The following MED13L variants were observed in gnomAD, a reference collection of about 807,000 sequenced individuals.
The protein encoded by MED13L is mediator complex subunit 13L, also known as mediator of RNA polymerase II transcription subunit 13-like.
Under a neutral mutation model 220.9 loss-of-function variants are expected in MED13L, and 7 were observed. The observed-to-expected ratio is 0.03, with a 90% CI of 0.02 to 0.06. The LOEUF (loss-of-function observed/expected upper bound fraction) is 0.06, where lower values mean the gene tolerates loss of function less well. Among genes scored for constraint, MED13L ranks in the 10% least tolerant of loss-of-function variants. The probability of loss-of-function intolerance (pLI) is 1.00; values close to 1 mark genes in which losing one functional copy is unlikely to be tolerated. For missense variants in MED13L, 1,965 were observed against 2,760.5 expected (o/e 0.71, Z 6.46); for synonymous variants, 1,011 against 1,015.2 (o/e 1.00, Z 0.08).
rs1873175799 is a variant in MED13L, at chr12:116,102,703, C to CCTTTTTTT, written c.396-5952_396-5951insAAAAAAAG. Among the ~76,000 whole-genome samples the CCTTTTTTT allele has an allele frequency of 9.5e-5, 6 of 63,216 alleles. 1 individual carries two copies. The highest frequency in any genetic ancestry group is 3.2e-4 in the African/African-American group (6 of 18,700). The allele number at this position is 63,216 out of a possible 152,430, so 41.5% of individuals were successfully genotyped here. On this transcript the variant is annotated intron_variant, in intron 3 of 30. Transcript: ENST00000281928. ...ATCCCTATATTTTCTTTTTCTTTTT[C>CCTTTTTTT]TTTTTTCTTTTTTTTTTTTTTTTTT... is the stretch of plus-strand genomic sequence containing the variant.
intron 3 of MED13L, among the ~76,000 whole-genome samples, chr12:116,102,840 G>C (rs1873209136): frequency 6.8e-6 from 1 of 146,474 alleles, no homozygotes; most frequent in Non-Finnish European, 1.5e-5. Context: ...TCCTGCCTCA[G>C]CCTCCTGAGT....
chr12:116,055,979 C>T (rs890137091), intron 4 of MED13L, among the ~76,000 whole-genome samples: 1 of 151,774 alleles, frequency 6.6e-6, no homozygotes, highest in Non-Finnish European at 1.5e-5. Context: ...ATTCACTAAA[C>T]ATCCAGGATG....
intron 11 of MED13L, 144 bp downstream of exon 11, chr12:116,007,267 A>G (rs762019951): frequency 2.6e-6 from 2 of 771,600 alleles, no homozygotes; most frequent in Non-Finnish European, 4.5e-6. Context: ...GTTCAATACA[A>G]TAGTACCAAG....
chr12:115,966,815 C>T (rs764662300), intron 28 of MED13L, among the ~76,000 whole-genome samples: 10 of 152,170 alleles, frequency 6.6e-5, no homozygotes, highest in Admixed American at 2.0e-4. Flanking sequence ...ATTCTTTTAG[C>T]TAGCTTCATC....
At position 116,277,179 on chromosome 12, in the gene MED13L, C is replaced by T; in HGVS notation, c.-48G>A. The T allele has an allele frequency of 7.1e-7, 1 of 1,409,690 alleles. No homozygotes were observed. The highest frequency in any genetic ancestry group is 9.4e-7 in the Non-Finnish European group (1 of 1,059,254). 87.3% of individuals were successfully genotyped at this position (1,409,690 alleles called of 1,614,324 possible). A position where few individuals can be genotyped will look rare whatever the true frequency, so the allele number is the denominator to read the frequency against. ...CAGAGCGGGGCATGTCGGAGCGAGG[C>T]GTCCGAGGCGAGGCCGGGCCGGGCG... On this transcript the variant is annotated 5_prime_UTR_variant, in exon 1 of 31. Transcript: ENST00000281928.
chr12:116,099,173 T>C (rs1034360987), intron 3 of MED13L, among the ~76,000 whole-genome samples: 4 of 152,204 alleles, frequency 2.6e-5, no homozygotes, highest in African/African-American at 9.6e-5. Flanking sequence ...ACAGCAGAGC[T>C]GCACACAAGC....
rs145484216 is a variant in MED13L at position 116,003,117 on chromosome 12, T to C, written c.2470-15A>G. On this transcript the variant is annotated splice_polypyrimidine_tract_variant and intron_variant, in intron 13 of 30. Coordinates refer to ENST00000281928, the MANE Select transcript of MED13L (RefSeq NM_015335.5). ...GGTGATACAGCCTAAGAACAGACGG[T>C]GTTATTAAAACAGAGTGACGTGTAT... 2.5e-4 allele frequency: 395 copies of C among 1,608,816 alleles called. 3 individuals carry two copies. The East Asian group carries it at 8.7e-3, about 35-fold the overall frequency.
chr12:115,979,691 T>G (rs570585941), intron 23 of MED13L, among the ~76,000 whole-genome samples: 2 of 152,204 alleles, frequency 1.3e-5, no homozygotes, highest in African/African-American at 4.8e-5. Context: ...AAAATAGCAA[T>G]TGGTGTTTTA....
intron 4 of MED13L, among the ~76,000 whole-genome samples, chr12:116,067,469 A>G (rs925231525): frequency 7.2e-5 from 11 of 152,222 alleles, no homozygotes; most frequent in African/African-American, 2.7e-4. Context: ...AGAATATAGG[A>G]TGAAATAAAT....
At chr12:116,253,744 GTTTT>G (rs1278727900) in intron 1 of MED13L, among the ~76,000 whole-genome samples, 12 of 108,686 alleles carry the variant, frequency 1.1e-4, no homozygotes, top group Non-Finnish European at 1.7e-4. Flanking sequence ...CACCTTCACG[GTTTT>G]TTTTGTTTTT....
At chr12:116,024,757 C>T (rs1166902721) in intron 4 of MED13L, among the ~76,000 whole-genome samples, 1 of 75,680 alleles carries the variant, frequency 1.3e-5, no homozygotes, top group African/African-American at 5.5e-5. Flanking sequence ...TAGTTTCATG[C>T]TTTTTTTTGG....
chr12:116,160,757 A>T (rs28397771), intron 2 of MED13L, among the ~76,000 whole-genome samples: 46 of 140,322 alleles, frequency 3.3e-4, no homozygotes, highest in African/African-American at 5.5e-4. Context: ...TTTATTTTTT[A>T]TTTTTTTTTT....
At chr12:116,170,060 C>T (rs766070529) in intron 2 of MED13L, among the ~76,000 whole-genome samples, 197 of 152,250 alleles carry the variant, frequency 1.3e-3, no homozygotes, top group Admixed American at 2.6e-3. Flanking sequence ...CTTCTATATT[C>T]TGTCACATTA....
chr12:115,982,906 A>G (rs886067744), intron 21 of MED13L, among the ~76,000 whole-genome samples: 18 of 152,352 alleles, frequency 1.2e-4, no homozygotes, highest in Middle Eastern at 3.4e-3. Context: ...TAAGTTTAAT[A>G]ATAAAGTTTA....
Position 115,991,246 on chromosome 12 carries a change from A to C in MED13L, c.3708T>G (p.Pro1236=), listed in dbSNP as rs1376626076. ...AGTCCAGGAAATTCAGTGAAGCAAAAGGTTGTGTGTGTTGATTCTGGAGGA... is the reference window on the plus strand; with the variant it reads ...AGTCCAGGAAATTCAGTGAAGCAAACGGTTGTGTGTGTTGATTCTGGAGGA... ...LLLLQNQHTQ[P]FASLNFLDYI... Residue 1236 remains proline (P), a synonymous_variant, in exon 17 of 31, where the codon CCT becomes CCG. Transcript: ENST00000281928. The surrounding 1 kb of genome is among the most constrained non-coding windows in gnomAD (Gnocchi z 7.7). 6.2e-7 allele frequency: 1 copy of C among 1,614,190 alleles called. No individual in the cohort carries two copies. Among genetic ancestry groups the C allele is most frequent in the East Asian group, 2.2e-5 (1 of 44,886 alleles).
At chr12:115,986,604 T>TCA in intron 18 of MED13L, 115 bp from the exon 19 acceptor site, 2 of 948,950 alleles carry the variant, frequency 2.1e-6, no homozygotes, top group Non-Finnish European at 3.3e-6. Context: ...CACTCCATGT[T>TCA]CACAAGACAT....
chr12:116,130,061 C>T (rs1875938596), intron 2 of MED13L, among the ~76,000 whole-genome samples: 1 of 152,062 alleles, frequency 6.6e-6, no homozygotes, highest in Admixed American at 6.5e-5. Flanking sequence ...TATAACAGAC[C>T]CTTGATATCA....
At chr12:115,980,482 G>C (rs905892558) in intron 23 of MED13L, 1 of 466,192 alleles carries the variant, frequency 2.1e-6, no homozygotes, top group African/African-American at 2.0e-5. Flanking sequence ...CATCACACCT[G>C]GATAATTTTT....
intron 2 of MED13L, among the ~76,000 whole-genome samples, chr12:116,188,920 T>C (rs751770983): frequency 2.6e-5 from 4 of 152,202 alleles, no homozygotes; most frequent in Admixed American, 6.5e-5. Flanking sequence ...TGTTACCCAG[T>C]AGTATTATAT....
Sources: gnomAD v4.1 joint callset for allele counts (sites outside exome capture counted in the v4.1 genomes callset) on GRCh38, gnomAD v4.1.1 for gene constraint, Gnocchi (gnomAD v3.1) non-coding constraint, MANE v1.5 for transcripts, NCBI Gene and HGNC (gene_info 2026-07-23, HGNC 2026-07-21) for gene names.